Variants in KRTAP4-4 observed in about 807,000 individuals in gnomAD.
KRTAP4-4 encodes keratin-associated protein 4-4.
For missense variants in KRTAP4-4, 186 were observed against 206.9 expected, an observed-to-expected ratio of 0.90 and a Z score of 0.62; for synonymous variants, 88 against 76.4, an observed-to-expected ratio of 1.15 and a Z score of -0.79.
Position 41,160,668 on chromosome 17 carries a change from A to G in KRTAP4-4, c.24T>C (p.Ser8=). 1 of 1,612,742 alleles carries G rather than the reference A, an allele frequency of 6.2e-7. No individual in the cohort carries two copies. Among genetic ancestry groups the G allele is most frequent in the Non-Finnish European group, 8.5e-7 (1 of 1,179,112 alleles). The change falls in exon 1 of 1, where the codon TCT becomes TCC. Residue 8 remains serine (S), a synonymous_variant. Transcript: ENST00000390661. ...GGCCACAGCCCTGGTCAGAGCACAC[A>G]GAGCCACAACAGGAGTTGACCATGG... is the stretch of plus-strand genomic sequence containing the variant. The part of the protein sequence containing the change: MVNSCCG[S]VCSDQGCGLE...
At position 41,160,450 on chromosome 17, in the gene KRTAP4-4, C is replaced by A; in HGVS notation, c.242G>T (p.Cys81Phe). 1 of 1,613,156 alleles carries A rather than the reference C, an allele frequency of 6.2e-7. No individual in the cohort carries two copies. Residue 81 changes from cysteine to phenylalanine, a missense_variant, in exon 1 of 1, where the codon TGC (cysteine) becomes TTC (phenylalanine). Coordinates refer to ENST00000390661, the MANE Select transcript of KRTAP4-4 (RefSeq NM_032524.2). Reference protein sequence around the residue: ...CRPQCCQSVCCQPTCCRPQCC... With the variant: ...CRPQCCQSVCFQPTCCRPQCC... The stretch of plus-strand genomic sequence containing the variant: ...TTGGGGTCTGCAGCAGGTGGGCTGG[C>A]AGCACACAGACTGGCAGCACTGGGG...
chr17:41,160,197 G>T lies in KRTAP4-4; in HGVS notation c.495C>A (p.Cys165Ter), dbSNP rs753450300. ...TGGTTTGCCAGCAGATGGGCTAGCA[G>T]CATAGAGACTGGCCACAATGGGGCC... ...CYRPHCGQSL[C>*]C The change falls in exon 1 of 1, where the codon TGC becomes TGA. Residue 165 changes from cysteine (C) to a stop codon, truncating the protein, a stop_gained. Coordinates refer to ENST00000390661, the MANE Select transcript of KRTAP4-4 (RefSeq NM_032524.2). LOFTEE classifies it high-confidence loss of function. The T allele has an allele frequency of 6.2e-7, 1 of 1,613,374 alleles. No individual in the cohort carries two copies. Among genetic ancestry groups the T allele is most frequent in the Non-Finnish European group, 8.5e-7 (1 of 1,179,712 alleles).
rs2014942623 is a variant in KRTAP4-4, at chr17:41,160,004, A to C, written c.*187T>G. ...GCACTAGAGCAGGTTGGGCGGCAGC[A>C]CATGGTCTGGCAGCAGTTGGGGCGG... On this transcript the variant is annotated 3_prime_UTR_variant, in exon 1 of 1. Transcript: ENST00000390661. The C allele has an allele frequency of 3.1e-6, 3 of 982,968 alleles. No homozygotes were observed. The highest frequency in any genetic ancestry group is 4.6e-6 in the Non-Finnish European group (3 of 654,760). 60.9% of individuals were successfully genotyped at this position (982,968 alleles called of 1,614,324 possible).
At position 41,160,122 on chromosome 17, in the gene KRTAP4-4, G is replaced by A; in HGVS notation, c.*69C>T. 1 of 1,588,568 alleles carries A rather than the reference G, an allele frequency of 6.3e-7. No homozygotes were observed. ...TAGAGATACTGCAGGAAGGCTGGCA[G>A]CAGCTGGAAATGCAATAGCTGGGGT... is the stretch of plus-strand genomic sequence containing the variant. On this transcript the variant is annotated 3_prime_UTR_variant, in exon 1 of 1. Coordinates refer to ENST00000390661, the MANE Select transcript of KRTAP4-4 (RefSeq NM_032524.2).
At position 41,160,119 on chromosome 17, in the gene KRTAP4-4, G is replaced by T. The variant is rs1598010091; in HGVS notation, c.*72C>A. On this transcript the variant is annotated 3_prime_UTR_variant, in exon 1 of 1. Transcript: ENST00000390661. ...TGCTAGAGATACTGCAGGAAGGCTG[G>T]CAGCAGCTGGAAATGCAATAGCTGG... 1 of 1,585,988 alleles carries T rather than the reference G, an allele frequency of 6.3e-7. No homozygotes were observed.
In KRTAP4-4 at chr17:41,159,832, T is replaced by G; in HGVS notation, c.*359A>C. The stretch of plus-strand genomic sequence containing the variant: ...AGAGGTAAAATGTGGGGGGAGCATA[T>G]ATTTGGAGGCCAGATTCAATCTAAG... On this transcript the variant is annotated 3_prime_UTR_variant, in exon 1 of 1. Coordinates refer to ENST00000390661, the MANE Select transcript of KRTAP4-4 (RefSeq NM_032524.2). The G allele has an allele frequency of 2.7e-6, 1 of 366,404 alleles. No homozygotes were observed. The highest frequency in any genetic ancestry group is 5.0e-6 in the Non-Finnish European group (1 of 199,258). 22.7% of individuals were successfully genotyped at this position (366,404 alleles called of 1,614,324 possible). A position where few individuals can be genotyped will look rare whatever the true frequency, so the allele number is the denominator to read the frequency against.
Position 41,160,585 on chromosome 17 carries a change from C to G in KRTAP4-4, c.107G>C (p.Cys36Ser), listed in dbSNP as rs774244952. The stretch of plus-strand genomic sequence containing the variant: ...GCTGGACACACAGCAGCTGGGGCGG[C>G]AGCAGGTGGTCCTGCAGCAGGTGGT... ...CQTTCCRTTC[C>S]RPSCCVSSCC... is the part of the protein sequence containing the mutation. Residue 36 changes from cysteine to serine, a missense_variant, in exon 1 of 1, where the codon TGC becomes TCC. Coordinates refer to ENST00000390661, the MANE Select transcript of KRTAP4-4 (RefSeq NM_032524.2). 1.9e-6 allele frequency: 3 copies of G among 1,613,738 alleles called. No individual in the cohort carries two copies. The highest frequency in any genetic ancestry group is 2.5e-6 in the Non-Finnish European group (3 of 1,179,968).
Position 41,160,676 on chromosome 17 carries a change from A to C in KRTAP4-4, c.16T>G (p.Cys6Gly), listed in dbSNP as rs1258971361. MVNSC[C>G]GSVCSDQGCG... is the part of the protein sequence containing the mutation. The stretch of plus-strand genomic sequence containing the variant: ...CCCTGGTCAGAGCACACAGAGCCAC[A>C]ACAGGAGTTGACCATGGTGTCAGAG... The change falls in exon 1 of 1, where the codon TGT (cysteine) becomes GGT (glycine). Residue 6 changes from cysteine (C) to glycine (G), a missense_variant. By Grantham distance (159) the Cys-to-Gly change is radical. Transcript: ENST00000390661. The C allele has an allele frequency of 2.8e-5, 45 of 1,610,718 alleles. No homozygotes were observed. Among genetic ancestry groups the C allele is most frequent in the Admixed American group, 5.0e-5 (3 of 59,938 alleles).
chr17:41,160,168 C>T lies in KRTAP4-4; in HGVS notation c.*23G>A, dbSNP rs2143982536. On this transcript the variant is annotated 3_prime_UTR_variant, in exon 1 of 1. Coordinates refer to ENST00000390661, the MANE Select transcript of KRTAP4-4 (RefSeq NM_032524.2). The stretch of plus-strand genomic sequence containing the variant: ...GGGGTGGCAGCAGGTGGTCCTGTAG[C>T]AGGTGGTTTGCCAGCAGATGGGCTA... 1.9e-6 allele frequency: 3 copies of T among 1,609,508 alleles called. No homozygotes were observed. The highest frequency in any genetic ancestry group is 2.2e-5 in the East Asian group (1 of 44,794).
In KRTAP4-4 at chr17:41,160,360, C is replaced by T; in HGVS notation, c.332G>A (p.Cys111Tyr). The T allele has an allele frequency of 6.2e-7, 1 of 1,611,912 alleles. No individual in the cohort carries two copies. The highest frequency in any genetic ancestry group is 8.5e-7 in the Non-Finnish European group (1 of 1,179,644). Reference protein sequence around the residue: ...CRPSCCRPQCCQSVCCQPTCC... With the variant: ...CRPSCCRPQCYQSVCCQPTCC... ...GGTGGGCTGGCAGCACACAGACTGGCAGCACTGGGGCCTGCAGCAGCTGGG... is the reference window on the plus strand; with the variant it reads ...GGTGGGCTGGCAGCACACAGACTGGTAGCACTGGGGCCTGCAGCAGCTGGG... The change falls in exon 1 of 1, where the codon TGC becomes TAC. Residue 111 changes from cysteine (C) to tyrosine (Y), a missense_variant. Physicochemically the swap from Cys to Tyr is radical, Grantham distance 194. Coordinates refer to ENST00000390661, the MANE Select transcript of KRTAP4-4 (RefSeq NM_032524.2).
In KRTAP4-4 at chr17:41,160,240, C is replaced by T. The variant is rs749502434; in HGVS notation, c.452G>A (p.Cys151Tyr). The change falls in exon 1 of 1, where the codon TGT (cysteine) becomes TAT (tyrosine). Residue 151 changes from cysteine to tyrosine, a missense_variant. By Grantham distance (194) the Cys-to-Tyr change is radical (BLOSUM62 -2). Transcript: ENST00000390661. ...ATGGGGCCTGTAGCACCTGGACACA[C>T]AGCAGCTGGGGCGGCAGCAGGTGGT... ...CRTTCCRPSCCVSRCYRPHCG... is the reference protein window; with the variant it reads ...CRTTCCRPSCYVSRCYRPHCG... 1.2e-6 allele frequency: 2 copies of T among 1,613,542 alleles called. No homozygotes were observed. The highest frequency in any genetic ancestry group is 2.7e-5 in the African/African-American group (2 of 74,792).
rs770727670 is a variant in KRTAP4-4, at chr17:41,160,630, C to G, written c.62G>C (p.Cys21Ser). The G allele has an allele frequency of 4.0e-5, 64 of 1,613,940 alleles. No homozygotes were observed. Among genetic ancestry groups the G allele is most frequent in the Non-Finnish European group, 5.3e-5 (63 of 1,179,988 alleles). Residue 21 changes from cysteine to serine, a missense_variant, in exon 1 of 1, where the codon TGC becomes TCC. Cys to Ser is a moderately radical substitution (Grantham distance 112). Transcript: ENST00000390661. ...SDQGCGLENC[C>S]RPSYCQTTCC... ...GGTGGTCTGGCAGTAGCTGGGACGG[C>G]AGCAGTTCTCTAGGCCACAGCCCTG...
chr17:41,159,798 A>T lies in KRTAP4-4; in HGVS notation c.*393T>A, dbSNP rs1018051188. ...TCAGAGCAAATTACAACTTATGTTCATTTGGTAGAGAGGTAAAATGTGGGG... is the reference window on the plus strand; with the variant it reads ...TCAGAGCAAATTACAACTTATGTTCTTTTGGTAGAGAGGTAAAATGTGGGG... On this transcript the variant is annotated 3_prime_UTR_variant, in exon 1 of 1. Transcript: ENST00000390661. 2.8e-5 allele frequency: 8 copies of T among 285,888 alleles called. No homozygotes were observed. The highest frequency in any genetic ancestry group is 1.1e-3 in the Middle Eastern group (1 of 900). The allele number at this position is 285,888 out of a possible 1,614,324, so 17.7% of individuals were successfully genotyped here. A position where few individuals can be genotyped will look rare whatever the true frequency, so the allele number is the denominator to read the frequency against.
Position 41,160,071 on chromosome 17 carries a change from G to A in KRTAP4-4, c.*120C>T. 2 of 1,464,386 alleles carry A rather than the reference G, an allele frequency of 1.4e-6. No homozygotes were observed. Among genetic ancestry groups the A allele is most frequent in the Middle Eastern group, 2.3e-4 (1 of 4,352 alleles). 90.7% of individuals were successfully genotyped at this position (1,464,386 alleles called of 1,614,324 possible). Reference sequence around the variant, plus strand: ...AGCAGGAGAGCCTGCAGCAGCTGAAGCCACAGCAGGAGGAGCTACTGCTGC... The same window carrying A: ...AGCAGGAGAGCCTGCAGCAGCTGAAACCACAGCAGGAGGAGCTACTGCTGC... On this transcript the variant is annotated 3_prime_UTR_variant, in exon 1 of 1. Transcript: ENST00000390661.
rs1343682849 is a variant in KRTAP4-4, at chr17:41,160,485, G to C, written c.207C>G (p.Ser69Arg). Residue 69 changes from serine to arginine, a missense_variant, in exon 1 of 1, where the codon AGC (serine) becomes AGG (arginine). Physicochemically the swap from Ser to Arg is moderately radical, Grantham distance 110 (BLOSUM62 -1). Coordinates refer to ENST00000390661, the MANE Select transcript of KRTAP4-4 (RefSeq NM_032524.2). ...ACTGGCAGCACTGGGGTCTGCAGCA[G>C]CTGGACACACAGCAGCTGGGGTGGC... ...TCCHPSCCVS[S>R]CCRPQCCQSV... The C allele has an allele frequency of 3.1e-6, 5 of 1,610,582 alleles. No homozygotes were observed. Among genetic ancestry groups the C allele is most frequent in the Non-Finnish European group, 4.2e-6 (5 of 1,179,024 alleles).
chr17:41,160,348 C>A lies in KRTAP4-4; in HGVS notation c.344G>T (p.Cys115Phe). Residue 115 changes from cysteine (C) to phenylalanine (F), a missense_variant, in exon 1 of 1, where the codon TGC (cysteine) becomes TTC (phenylalanine). Physicochemically the swap from Cys to Phe is radical, Grantham distance 205 (BLOSUM62 -2). Coordinates refer to ENST00000390661, the MANE Select transcript of KRTAP4-4 (RefSeq NM_032524.2). The stretch of plus-strand genomic sequence containing the variant: ...GGGGCAGCAGCAGGTGGGCTGGCAG[C>A]ACACAGACTGGCAGCACTGGGGCCT... ...CCRPQCCQSV[C>F]CQPTCCCPSY... 4 of 1,612,512 alleles carry A rather than the reference C, an allele frequency of 2.5e-6. No homozygotes were observed. The highest frequency in any genetic ancestry group is 3.4e-6 in the Non-Finnish European group (4 of 1,179,654).
rs1162728793 is a variant in KRTAP4-4 at position 41,159,709 on chromosome 17, G to A, written c.*482C>T. 2 of 186,022 alleles carry A rather than the reference G, an allele frequency of 1.1e-5. No homozygotes were observed. Among genetic ancestry groups the A allele is most frequent in the Non-Finnish European group, 2.3e-5 (2 of 88,392 alleles). The allele number at this position is 186,022 out of a possible 1,614,324, so 11.5% of individuals were successfully genotyped here. ...TTTAGATAAATATTTGTTTAAAATG[G>A]AATAGCTCCATATGAGAAATTATGG... On this transcript the variant is annotated 3_prime_UTR_variant, in exon 1 of 1. Coordinates refer to ENST00000390661, the MANE Select transcript of KRTAP4-4 (RefSeq NM_032524.2).
Position 41,160,406 on chromosome 17 carries a change from A to G in KRTAP4-4, c.286T>C (p.Cys96Arg). The part of the protein sequence containing the change: ...CRPQCCQTTC[C>R]RTTCCRPSCC... Reference sequence around the variant, plus strand: ...CTGGGGCGGCAGCAGGTGGTCCTACAGCAGGTAGTCTGGCAGCATTGGGGT... The same window carrying G: ...CTGGGGCGGCAGCAGGTGGTCCTACGGCAGGTAGTCTGGCAGCATTGGGGT... The change falls in exon 1 of 1, where the codon TGT (cysteine) becomes CGT (arginine). Residue 96 changes from cysteine to arginine, a missense_variant. Transcript: ENST00000390661. 1 of 1,611,688 alleles carries G rather than the reference A, an allele frequency of 6.2e-7. No homozygotes were observed. Among genetic ancestry groups the G allele is most frequent in the African/African-American group, 1.3e-5 (1 of 74,206 alleles).
Position 41,160,248 on chromosome 17 carries a change from G to A in KRTAP4-4, c.444C>T (p.Pro148=), listed in dbSNP as rs2014948478. 6.2e-7 allele frequency: 1 copy of A among 1,613,534 alleles called. No homozygotes were observed. The highest frequency in any genetic ancestry group is 1.1e-5 in the South Asian group (1 of 91,052). ...TGTAGCACCTGGACACACAGCAGCTGGGGCGGCAGCAGGTGGTTCTGCAGC... is the reference window on the plus strand; with the variant it reads ...TGTAGCACCTGGACACACAGCAGCTAGGGCGGCAGCAGGTGGTTCTGCAGC... ...TTCCRTTCCR[P]SCCVSRCYRP... The change falls in exon 1 of 1, where the codon CCC becomes CCT. Residue 148 remains proline (P), a synonymous_variant. Coordinates refer to ENST00000390661, the MANE Select transcript of KRTAP4-4 (RefSeq NM_032524.2).
Sources: gnomAD v4.1 joint callset for allele counts on GRCh38, gnomAD v4.1.1 for gene constraint, MANE v1.5 for transcripts, NCBI Gene and HGNC (gene_info 2026-07-23, HGNC 2026-07-21) for gene names.